The following MBP variants were observed in gnomAD, a reference collection of about 807,000 sequenced individuals.
MBP encodes Golli-MBP.
In MBP, 16 loss-of-function variants were observed where a neutral mutation model predicts 35.8. The observed-to-expected ratio is 0.45, with a 90% confidence interval of 0.30 to 0.68. The LOEUF is 0.68. Among genes scored for constraint, MBP ranks in the 30% least tolerant of loss-of-function variants. MBP has a pLI of 0.08. For missense variants in MBP, 380 were observed against 404.7 expected, an observed-to-expected ratio of 0.94 and a Z score of 0.52; for synonymous variants, 143 against 159.6, an observed-to-expected ratio of 0.90 and a Z score of 0.78.
chr18:76,991,406 C>T (rs1207291987), intron 4 of MBP, among the ~76,000 whole-genome samples: 3 of 152,022 alleles, frequency 2.0e-5, no homozygotes, highest in African/African-American at 4.8e-5. Context: ...ACACAGGGGA[C>T]ATGGGGGCAG....
At chr18:77,025,181 C>T (rs1368947755) in intron 3 of MBP, among the ~76,000 whole-genome samples, 9 of 152,242 alleles carry the variant, frequency 5.9e-5, no homozygotes, top group African/African-American at 1.9e-4. Context: ...AGGCGATCCC[C>T]CACCTCTAGC....
chr18:77,043,009 C>G (rs1165922284), intron 3 of MBP, among the ~76,000 whole-genome samples: 1 of 152,188 alleles, frequency 6.6e-6, no homozygotes, highest in Non-Finnish European at 1.5e-5. Flanking sequence ...TCTTCAACCT[C>G]TTTGGTGCTG....
At chr18:77,048,292 A>G (rs758409238) in intron 3 of MBP, among the ~76,000 whole-genome samples, 11 of 152,246 alleles carry the variant, frequency 7.2e-5, no homozygotes, top group African/African-American at 7.2e-5. Flanking sequence ...GTAGAAGGAA[A>G]GCTGGGCCAT....
In MBP at chr18:76,989,291, A is replaced by C. The variant is rs543776783; in HGVS notation, c.682-379T>G. 6.6e-6 allele frequency among the ~76,000 whole-genome samples: 1 copy of C among 152,336 alleles called. No individual in the cohort carries two copies. The highest frequency in any genetic ancestry group is 1.5e-5 in the Non-Finnish European group (1 of 68,030). On this transcript the variant is annotated intron_variant, in intron 5 of 8. Coordinates refer to ENST00000355994, the MANE Select transcript of MBP (RefSeq NM_001025101.2). The surrounding 1 kb of genome is among the most constrained non-coding windows in gnomAD (Gnocchi z 4.0). ...TCAGAGCTTCCAAGGGGATGTCCCC[A>C]GGTCTGCAGCTCCTAAGTGCACTTA...
At chr18:77,073,381 TG>T (rs1974526699) in intron 2 of MBP, among the ~76,000 whole-genome samples, 1 of 152,220 alleles carries the variant, frequency 6.6e-6, no homozygotes. Flanking sequence ...ATGAGATTCC[TG>T]GGTCAGAGAC....
At chr18:77,032,109 C>T (rs1187591180) in intron 3 of MBP, among the ~76,000 whole-genome samples, 1 of 152,226 alleles carries the variant, frequency 6.6e-6, no homozygotes, top group East Asian at 1.9e-4. Flanking sequence ...CGCAGGGCCT[C>T]CACTCTCCTG....
chr18:77,068,288 G>A (rs1422161080), intron 2 of MBP, among the ~76,000 whole-genome samples: 2 of 152,134 alleles, frequency 1.3e-5, no homozygotes, highest in African/African-American at 2.4e-5. Flanking sequence ...CCCAGCAGAC[G>A]CCCCCGTATG....
intron 4 of MBP, among the ~76,000 whole-genome samples, chr18:77,012,193 T>C (rs1971390950): frequency 6.6e-6 from 1 of 152,298 alleles, no homozygotes; most frequent in East Asian, 1.9e-4. Flanking sequence ...TCTCATACAC[T>C]CATTATCATC....
chr18:77,008,105 G>C (rs190753662), intron 4 of MBP, among the ~76,000 whole-genome samples: 11 of 152,258 alleles, frequency 7.2e-5, no homozygotes, highest in Non-Finnish European at 1.5e-4. Context: ...AGCAGGGAAC[G>C]GGGTAGGGGC....
chr18:77,089,058 C>T (rs554930062), intron 2 of MBP, among the ~76,000 whole-genome samples: 15 of 152,352 alleles, frequency 9.8e-5, no homozygotes, highest in African/African-American at 2.6e-4. Context: ...TGACAGCTGG[C>T]GGAATTATTC....
At chr18:77,113,812 C>A (rs1629089) in intron 1 of MBP, 64,973 of 152,076 alleles carry the variant, frequency 0.43, 14,541 homozygotes, top group African/African-American at 0.56. Context: ...CAATTCTGCC[C>A]ATGAGCAAGT....
rs537099482 is a variant in MBP at position 77,050,082 on chromosome 18, G to C, written c.139+16216C>G. On this transcript the variant is annotated intron_variant, in intron 3 of 8. Transcript: ENST00000355994. The stretch of plus-strand genomic sequence containing the variant: ...TAGTGTAGAGTTTGTCATTGCTGAC[G>C]TTCTTGGTAGAATGTCAACAGCAAG... 6.4e-4 allele frequency among the ~76,000 whole-genome samples: 97 copies of C among 152,108 alleles called. 8 individuals are homozygous for C.
intron 3 of MBP, among the ~76,000 whole-genome samples, chr18:77,048,785 C>T (rs1973364004): frequency 6.6e-6 from 1 of 151,992 alleles, no homozygotes; most frequent in African/African-American, 2.4e-5. Context: ...GTTCTATAAT[C>T]TCTATTTTAC....
chr18:76,985,190 G>A, intron 7 of MBP: 1 of 1,457,410 alleles, frequency 6.9e-7, no homozygotes, highest in Non-Finnish European at 9.2e-7. Flanking sequence ...GTCGTTTAGG[G>A]AACAGTTGCT....
intron 1 of MBP, among the ~76,000 whole-genome samples, chr18:77,132,222 G>C (rs939990085): frequency 1.3e-5 from 2 of 151,868 alleles, no homozygotes; most frequent in African/African-American, 2.4e-5. Context: ...GGCCTGGCTG[G>C]AGTCCACCCC....
At chr18:77,109,801 A>T (rs963059732) in intron 1 of MBP, 1 of 152,242 alleles carries the variant, frequency 6.6e-6, no homozygotes, top group African/African-American at 2.4e-5. Context: ...CATTTTGTTT[A>T]GGCTTATTAG....
chr18:76,984,977 C>A (rs1969457043), intron 7 of MBP, 83 bp from the exon 8 acceptor site: 1 of 1,583,528 alleles, frequency 6.3e-7, no homozygotes, highest in African/African-American at 1.3e-5. Flanking sequence ...CCACCAGGGC[C>A]CCGGGGAAGG....
chr18:77,003,533 G>A (rs1970749574), intron 4 of MBP: 1 of 152,210 alleles, frequency 6.6e-6, no homozygotes, highest in South Asian at 2.1e-4. Flanking sequence ...AGAGCTCAGG[G>A]ATGAATCTGT....
At chr18:77,043,430 G>A (rs1973094262) in intron 3 of MBP, among the ~76,000 whole-genome samples, 1 of 150,554 alleles carries the variant, frequency 6.6e-6, no homozygotes, top group Non-Finnish European at 1.5e-5. Context: ...ACATGGCAGA[G>A]ATTCCTGTAA....
Sources: gnomAD v4.1 joint callset for allele counts (sites outside exome capture counted in the v4.1 genomes callset) on GRCh38, gnomAD v4.1.1 for gene constraint, Gnocchi (gnomAD v3.1) non-coding constraint, MANE v1.5 for transcripts, NCBI Gene and HGNC (gene_info 2026-07-23, HGNC 2026-07-21) for gene names.